CBFA2T3: variants seen among roughly 807,000 people sequenced by gnomAD.
CBFA2T3 encodes the protein transcriptional corepressor CBFA2T3.
In CBFA2T3, 31 loss-of-function variants were observed where a neutral mutation model predicts 58.6. That is an observed-to-expected ratio of 0.53 (90% CI 0.40 to 0.71). CBFA2T3 has a LOEUF of 0.71. Ranked by LOEUF, CBFA2T3 falls within the 30% of genes least tolerant of loss-of-function variation. CBFA2T3 has a pLI of 0.00. For synonymous variants in CBFA2T3, 531 were observed against 421.9 expected (o/e 1.26, Z -3.17); for missense variants, 1,076 against 963.1 (o/e 1.12, Z -1.55).
chr16:88,961,316 A>C (rs1469805568), intron 1 of CBFA2T3, among the ~76,000 whole-genome samples: 2 of 151,922 alleles, frequency 1.3e-5, no homozygotes, highest in African/African-American at 4.8e-5. Flanking sequence ...AGTAACCGAC[A>C]CTCACCCCTG....
intron 1 of CBFA2T3, among the ~76,000 whole-genome samples, chr16:88,906,126 C>T (rs1779234708): frequency 6.6e-6 from 1 of 152,136 alleles, no homozygotes; most frequent in African/African-American, 2.4e-5. Flanking sequence ...TCCTCTATCC[C>T]TGCACCCCCA....
chr16:88,910,969 T>G (rs1597715212), intron 1 of CBFA2T3, among the ~76,000 whole-genome samples: 1 of 131,294 alleles, frequency 7.6e-6, no homozygotes, highest in African/African-American at 4.6e-5. Flanking sequence ...GGCGCTGCCC[T>G]GCGGCCGCCT....
chr16:88,944,060 G>A (rs984661373), intron 1 of CBFA2T3, among the ~76,000 whole-genome samples: 1 of 152,120 alleles, frequency 6.6e-6, no homozygotes, highest in Non-Finnish European at 1.5e-5. Context: ...CACCACGGCC[G>A]GGTGCGGTGG....
rs569606158 is a variant in CBFA2T3, at chr16:88,909,977, T to A, written c.152-8321A>T. 4.1e-3 allele frequency among the ~76,000 whole-genome samples: 628 copies of A among 152,290 alleles called. 2 individuals carry two copies. Among genetic ancestry groups the A allele is most frequent in the African/African-American group, 0.014 (600 of 41,570 alleles). ...ACCCTCCAACACATTTCCCAAGAGC[T>A]GTCCACGGCGGCTCCCACGGCGGCT... On this transcript the variant is annotated intron_variant, in intron 1 of 11. Coordinates refer to ENST00000268679, the MANE Select transcript of CBFA2T3 (RefSeq NM_005187.6).
At chr16:88,882,371 G>C (rs576390581) in intron 8 of CBFA2T3, among the ~76,000 whole-genome samples, 1 of 151,038 alleles carries the variant, frequency 6.6e-6, no homozygotes, top group Admixed American at 6.6e-5. Flanking sequence ...TGTACATGGG[G>C]GGGTTGTGTG....
At chr16:88,959,259 C>T (rs1447331471) in intron 1 of CBFA2T3, among the ~76,000 whole-genome samples, 1 of 152,242 alleles carries the variant, frequency 6.6e-6, no homozygotes, top group Non-Finnish European at 1.5e-5. Context: ...ACATGAGCAG[C>T]TGCTGTGGCC....
chr16:88,964,477 C>T (rs1972446193), intron 1 of CBFA2T3, among the ~76,000 whole-genome samples: 1 of 152,192 alleles, frequency 6.6e-6, no homozygotes, highest in African/African-American at 2.4e-5. Flanking sequence ...ACTTGTTGTT[C>T]TGAAGAAAGA....
chr16:88,975,525 C>A (rs1159085584), intron 1 of CBFA2T3, among the ~76,000 whole-genome samples: 1 of 152,262 alleles, frequency 6.6e-6, no homozygotes, highest in African/African-American at 2.4e-5. Context: ...CCACTCAGCG[C>A]CAGGGGATAG....
chr16:88,925,216 C>G (rs900489216), intron 1 of CBFA2T3, among the ~76,000 whole-genome samples: 9 of 152,228 alleles, frequency 5.9e-5, no homozygotes, highest in Non-Finnish European at 1.2e-4. Flanking sequence ...CAGCCCCCGG[C>G]CTTGGGAAGG....
At chr16:88,971,352 C>T (rs1972651259) in intron 1 of CBFA2T3, among the ~76,000 whole-genome samples, 1 of 152,186 alleles carries the variant, frequency 6.6e-6, no homozygotes, top group Non-Finnish European at 1.5e-5. Context: ...TCAAGTGATC[C>T]GCCTGCCTCG....
In CBFA2T3 at chr16:88,950,051, G is replaced by A. The variant is rs1001381341; in HGVS notation, c.151+26606C>T. On this transcript the variant is annotated intron_variant, in intron 1 of 11. Coordinates refer to ENST00000268679, the MANE Select transcript of CBFA2T3 (RefSeq NM_005187.6). ...AGGAACGAAAACCCCCGCCACTCTC[G>A]AAGTCACACGGCTTCCCTGCTTCTC... is the stretch of plus-strand genomic sequence containing the variant. 3.3e-5 allele frequency among the ~76,000 whole-genome samples: 5 copies of A among 152,108 alleles called. 1 individual carries two copies. The highest frequency in any genetic ancestry group is 2.9e-5 in the Non-Finnish European group (2 of 67,998).
chr16:88,962,506 A>G (rs1186193380), intron 1 of CBFA2T3, among the ~76,000 whole-genome samples: 1 of 152,146 alleles, frequency 6.6e-6, no homozygotes, highest in Non-Finnish European at 1.5e-5. Context: ...GTGATCCATT[A>G]CCCATGCCTG....
chr16:88,941,365 C>A (rs1372203051), intron 1 of CBFA2T3, among the ~76,000 whole-genome samples: 1 of 146,382 alleles, frequency 6.8e-6, no homozygotes, highest in Non-Finnish European at 1.5e-5. Context: ...CCCCGCGGCC[C>A]CCGCCCCGCG....
At chr16:88,881,244 A>T in intron 9 of CBFA2T3, 47 bp downstream of exon 9, 1 of 1,529,920 alleles carries the variant, frequency 6.5e-7, no homozygotes, top group Non-Finnish European at 9.0e-7. Flanking sequence ...TGTCCGCCCC[A>T]CCAGAGCACC....
At chr16:88,960,340 G>A (rs949220022) in intron 1 of CBFA2T3, among the ~76,000 whole-genome samples, 9 of 152,238 alleles carry the variant, frequency 5.9e-5, no homozygotes, top group South Asian at 2.1e-4. Context: ...GTGCCAGGTC[G>A]ACGGGGTTAT....
At chr16:88,882,424 G>C (rs1456101042) in intron 8 of CBFA2T3, among the ~76,000 whole-genome samples, 4 of 150,164 alleles carry the variant, frequency 2.7e-5, no homozygotes, top group African/African-American at 4.9e-5. Flanking sequence ...TGTGTGTATG[G>C]CTGTGTGTGG....
At chr16:88,883,198 G>A (rs1358346066) in intron 7 of CBFA2T3, 1 of 244,126 alleles carries the variant, frequency 4.1e-6, no homozygotes, top group Non-Finnish European at 8.2e-6. Context: ...TCAGTGCCAA[G>A]TCACACCATG....
At chr16:88,963,478 A>C (rs1261629018) in intron 1 of CBFA2T3, among the ~76,000 whole-genome samples, 1 of 151,968 alleles carries the variant, frequency 6.6e-6, no homozygotes, top group Non-Finnish European at 1.5e-5. Flanking sequence ...CAGCGCCTCC[A>C]CCTAACTCCA....
In CBFA2T3 at chr16:88,875,662, G is replaced by A. The variant is rs886796678; in HGVS notation, c.*1314C>T. ...GAGGTCGGAGGGCGCGGAGAGGAGA[G>A]AGGTAGAGGAGGACGGGCTGGCCGA... On this transcript the variant is annotated 3_prime_UTR_variant, in exon 12 of 12. Coordinates refer to ENST00000268679, the MANE Select transcript of CBFA2T3 (RefSeq NM_005187.6). 4.3e-6 allele frequency: 1 copy of A among 233,600 alleles called. No individual in the cohort carries two copies. The highest frequency in any genetic ancestry group is 2.2e-5 in the African/African-American group (1 of 45,302). The allele number at this position is 233,600 out of a possible 1,614,324, so 14.5% of individuals were successfully genotyped here.
Sources: gnomAD v4.1 joint callset for allele counts (sites outside exome capture counted in the v4.1 genomes callset) on GRCh38, gnomAD v4.1.1 for gene constraint, MANE v1.5 for transcripts, NCBI Gene and HGNC (gene_info 2026-07-23, HGNC 2026-07-21) for gene names.